The following NTM variants were observed in gnomAD, a reference collection of about 807,000 sequenced individuals.
NTM encodes the protein neurotrimin, also known as IgLON family member 2.
A neutral mutation model predicts 42.1 loss-of-function variants in NTM; 13 were observed. The ratio of observed to expected loss-of-function variants is 0.31; its 90% CI spans 0.20 to 0.49. The LOEUF is 0.49. Among genes scored for constraint, NTM ranks in the 20% least tolerant of loss-of-function variants. The pLI is 0.99. For synonymous variants in NTM, 187 were observed against 179.2 expected (o/e 1.04, Z -0.35); for missense variants, 373 against 452.8 (o/e 0.82, Z 1.60).
At chr11:131,499,099 G>C (rs1041767835) in intron 1 of NTM, among the ~76,000 whole-genome samples, 1 of 152,110 alleles carries the variant, frequency 6.6e-6, no homozygotes. Context: ...GACAGCTCTC[G>C]GAGCCTGGAA....
intron 1 of NTM, among the ~76,000 whole-genome samples, chr11:131,839,843 C>A (rs561239744): frequency 6.6e-6 from 1 of 152,314 alleles, no homozygotes; most frequent in East Asian, 1.9e-4. Context: ...AGGGTGGTAG[C>A]AGTGAACCAT....
At chr11:131,837,710 G>A (rs1034413937) in intron 1 of NTM, among the ~76,000 whole-genome samples, 1 of 151,982 alleles carries the variant, frequency 6.6e-6, no homozygotes, top group Admixed American at 6.6e-5. Context: ...CTGTGCACCC[G>A]AGGGCTATGC....
chr11:132,333,798 G>A (rs560975358), intron 8 of NTM, among the ~76,000 whole-genome samples: 1 of 152,166 alleles, frequency 6.6e-6, no homozygotes, highest in Non-Finnish European at 1.5e-5. Context: ...CCAAATTAGG[G>A]ATTTATCCCA....
intron 1 of NTM, among the ~76,000 whole-genome samples, chr11:131,610,156 A>G (rs1413274458): frequency 6.6e-6 from 1 of 152,212 alleles, no homozygotes; most frequent in Non-Finnish European, 1.5e-5. Context: ...CGAGCTGGGT[A>G]AACTGAGAGA....
chr11:131,572,322 C>T (rs981117313), intron 1 of NTM, among the ~76,000 whole-genome samples: 5 of 152,152 alleles, frequency 3.3e-5, no homozygotes, highest in African/African-American at 4.8e-5. Context: ...AACCCAGGAT[C>T]CTTCTGATAC....
In NTM at chr11:131,789,479, AAGAAGAAGAAGAGGAAAG is replaced by A. The variant is rs1170473738; in HGVS notation, c.83-122083_83-122066del. Among the ~76,000 whole-genome samples the A allele has an allele frequency of 1.2e-3, 14 of 12,034 alleles. 6 individuals are homozygous for A. The highest frequency in any genetic ancestry group is 3.9e-3 in the East Asian group (2 of 518). The allele number at this position is 12,034 out of a possible 152,430, so 7.9% of individuals were successfully genotyped here. On this transcript the variant is annotated intron_variant, in intron 1 of 8. Transcript: ENST00000683400. ...GAAGAAGAAGAAGAAGAAGAAGAAG[AAGAAGAAGAAGAGGAAAG>A]AAGAAGAAGAAGAAGAAGAAGAAGA...
chr11:131,669,264 C>G (rs985579330), intron 1 of NTM, among the ~76,000 whole-genome samples: 1 of 152,056 alleles, frequency 6.6e-6, no homozygotes, highest in Non-Finnish European at 1.5e-5. Context: ...AGATCAAAAC[C>G]ATGGAGGAAA....
At chr11:131,748,539 G>A (rs2082098735) in intron 1 of NTM, among the ~76,000 whole-genome samples, 1 of 152,136 alleles carries the variant, frequency 6.6e-6, no homozygotes, top group South Asian at 2.1e-4. Context: ...TAAACACTGT[G>A]CCTTCCATGA....
intron 1 of NTM, among the ~76,000 whole-genome samples, chr11:131,876,362 GTCTCC>G: frequency 6.6e-6 from 1 of 152,206 alleles, no homozygotes; most frequent in African/African-American, 2.4e-5. Flanking sequence ...GGCCCACTGG[GTCTCC>G]TCCACTCATC....
At chr11:131,734,936 T>G (rs2080218473) in intron 1 of NTM, among the ~76,000 whole-genome samples, 2 of 151,922 alleles carry the variant, frequency 1.3e-5, no homozygotes, top group African/African-American at 2.4e-5. Flanking sequence ...CTGAAAAATC[T>G]GAGGAAACAT....
intron 1 of NTM, among the ~76,000 whole-genome samples, chr11:131,568,345 A>G (rs1419420060): frequency 1.3e-5 from 2 of 152,190 alleles, no homozygotes; most frequent in Non-Finnish European, 2.9e-5. Flanking sequence ...AAACTCACTG[A>G]CCTGTTAACC....
At chr11:131,858,880 T>C (rs2046354606) in intron 1 of NTM, among the ~76,000 whole-genome samples, 1 of 152,328 alleles carries the variant, frequency 6.6e-6, no homozygotes, top group Non-Finnish European at 1.5e-5. Context: ...GTCCCCACCC[T>C]GCTTCTACAG....
In NTM at chr11:132,207,902, C is replaced by T. The variant is rs189125053; in HGVS notation, c.401-4120C>T. On this transcript the variant is annotated intron_variant, in intron 3 of 8. Transcript: ENST00000683400. ...CACGTGATTCACCATTCTGTGTCACCATACATTAGAATATTAGGCTTCTGC... is the reference window on the plus strand; with the variant it reads ...CACGTGATTCACCATTCTGTGTCACTATACATTAGAATATTAGGCTTCTGC... 5.3e-5 allele frequency among the ~76,000 whole-genome samples: 8 copies of T among 152,260 alleles called. No homozygotes were observed. The East Asian group carries it at 1.5e-3, about 29-fold the overall frequency.
chr11:131,593,566 C>T (rs2059568355), intron 1 of NTM, among the ~76,000 whole-genome samples: 1 of 152,196 alleles, frequency 6.6e-6, no homozygotes. Context: ...TGACACGTTA[C>T]CCCATTTATT....
chr11:132,320,853 A>G (rs1360226604), intron 7 of NTM, among the ~76,000 whole-genome samples: 2 of 151,808 alleles, frequency 1.3e-5, no homozygotes, highest in South Asian at 2.1e-4. Context: ...TGCCTCCTCA[A>G]GTGGGTCCCT....
chr11:131,795,697 A>G (rs1185424709), intron 1 of NTM: 1 of 985,124 alleles, frequency 1.0e-6, no homozygotes, highest in African/African-American at 1.7e-5. Flanking sequence ...TATTTACGGC[A>G]TTTTCTTTCT....
intron 2 of NTM, among the ~76,000 whole-genome samples, chr11:131,959,418 A>G (rs923726542): frequency 5.9e-5 from 9 of 152,144 alleles, no homozygotes; most frequent in Non-Finnish European, 1.2e-4. Context: ...ACTTGAGCCT[A>G]GGGGCTTGAG....
chr11:131,858,748 T>C lies in NTM; in HGVS notation c.83-52816T>C, dbSNP rs75887159. 1.2e-3 allele frequency among the ~76,000 whole-genome samples: 187 copies of C among 152,296 alleles called. 3 individuals carry two copies. The East Asian group carries it at 0.031, about 26-fold the overall frequency. On this transcript the variant is annotated intron_variant, in intron 1 of 8. Transcript: ENST00000683400. ...CTCGTCTGAATCCTCCCTTCTGGAA[T>C]AGGGAACGAGGGAGTGAAAGACTAG...
intron 1 of NTM, among the ~76,000 whole-genome samples, chr11:131,873,560 AC>A (rs1208895420): frequency 2.3e-5 from 1 of 42,764 alleles, no homozygotes; most frequent in Admixed American, 2.8e-4. Context: ...ATATATATAT[AC>A]CGTATATATA....
Sources: gnomAD v4.1 joint callset for allele counts (sites outside exome capture counted in the v4.1 genomes callset) on GRCh38, gnomAD v4.1.1 for gene constraint, MANE v1.5 for transcripts, NCBI Gene and HGNC (gene_info 2026-07-23, HGNC 2026-07-21) for gene names.